Variants in PGRMC2 observed in about 807,000 individuals in gnomAD.
PGRMC2 encodes progesterone receptor membrane component 2.
A neutral mutation model predicts 19.3 loss-of-function variants in PGRMC2; 9 were observed. That is an observed-to-expected ratio of 0.47 (90% CI 0.28 to 0.81). The LOEUF (loss-of-function observed/expected upper bound fraction) is 0.81. PGRMC2 is among the 40% of genes least tolerant of loss of function. PGRMC2 has a pLI of 0.11. For synonymous variants in PGRMC2, 157 were observed against 124.6 expected (o/e 1.26, Z -1.73); for missense variants, 289 against 297.3 (o/e 0.97, Z 0.21).
At position 128,269,518 on chromosome 4, in the gene PGRMC2, T is replaced by C. The variant is rs1760693278; in HGVS notation, c.*1798A>G. The C allele has an allele frequency of 6.6e-6, 1 of 152,086 alleles. No homozygotes were observed. Among genetic ancestry groups the C allele is most frequent in the Non-Finnish European group, 1.5e-5 (1 of 68,030 alleles). 9.4% of individuals were successfully genotyped at this position (152,086 alleles called of 1,614,324 possible). On this transcript the variant is annotated 3_prime_UTR_variant, in exon 3 of 3. Coordinates refer to ENST00000296425, the MANE Select transcript of PGRMC2 (RefSeq NM_006320.6). ...TCCACAACCAGTCTTCAGCAAAGAT[T>C]TGGCTGAAGATAACTTTCTACAAAA...
intron 1 of PGRMC2, among the ~76,000 whole-genome samples, chr4:128,283,700 C>T (rs913113152): frequency 6.7e-6 from 1 of 150,360 alleles, no homozygotes; most frequent in Non-Finnish European, 1.5e-5. Flanking sequence ...TTCTGTCATC[C>T]AGGCTGGAGT....
At chr4:128,277,901 A>C (rs1760836738) in intron 1 of PGRMC2, among the ~76,000 whole-genome samples, 1 of 152,180 alleles carries the variant, frequency 6.6e-6, no homozygotes, top group South Asian at 2.1e-4. Flanking sequence ...TCAAATATAA[A>C]TTAGGAAAAT....
chr4:128,274,631 A>C (rs1046965791), intron 1 of PGRMC2, among the ~76,000 whole-genome samples: 1 of 152,128 alleles, frequency 6.6e-6, no homozygotes, highest in East Asian at 1.9e-4. Context: ...GAGGACAAGG[A>C]GAGAGACAGA....
intron 1 of PGRMC2, among the ~76,000 whole-genome samples, chr4:128,282,034 ATTAAT>A (rs1359476306): frequency 6.6e-6 from 1 of 152,216 alleles, no homozygotes; most frequent in Non-Finnish European, 1.5e-5. Context: ...TTCCCATTCT[ATTAAT>A]TTCTTTTATA....
rs1310453352 is a variant in PGRMC2, at chr4:128,271,506, T to G, written c.575-93A>C. 7 of 613,200 alleles carry G rather than the reference T, an allele frequency of 1.1e-5. No homozygotes were observed. The South Asian group carries it at 1.4e-4, about 12-fold the overall frequency. 38.0% of individuals were successfully genotyped at this position (613,200 alleles called of 1,614,324 possible). A position where few individuals can be genotyped will look rare whatever the true frequency, so the allele number is the denominator to read the frequency against. On this transcript the variant is annotated intron_variant, in intron 2 of 2. Coordinates refer to ENST00000296425, the MANE Select transcript of PGRMC2 (RefSeq NM_006320.6). Reference sequence around the variant, plus strand: ...AAGGCATTTGTCTGTTTTAGAATCATATAAAATATGATTATTAGAATATTA... The same window carrying G: ...AAGGCATTTGTCTGTTTTAGAATCAGATAAAATATGATTATTAGAATATTA...
rs867468957 is a variant in PGRMC2, at chr4:128,287,604, G to A, written c.187C>T (p.Leu63=). The A allele has an allele frequency of 8.6e-6, 11 of 1,283,056 alleles. No individual in the cohort carries two copies. In the African/African-American group the frequency reaches 1.7e-4, roughly 20 times the overall value. 79.5% of individuals were successfully genotyped at this position (1,283,056 alleles called of 1,614,324 possible). The change falls in exon 1 of 3, where the codon CTG becomes TTG. Residue 63 remains leucine (L), a synonymous_variant. Coordinates refer to ENST00000296425, the MANE Select transcript of PGRMC2 (RefSeq NM_006320.6). ...AGCCGGTAGGCCCCCAGCAGCACCA[G>A]AGCCACCAGCGCCACGTTCAGCAGC... The part of the protein sequence containing the change: ...EMLLNVALVA[L]VLLGAYRLWV...
Position 128,287,676 on chromosome 4 carries a change from C to T in PGRMC2, c.115G>A (p.Gly39Ser). 4.6e-6 allele frequency: 7 copies of T among 1,533,996 alleles called. No homozygotes were observed. In the South Asian group the frequency reaches 8.3e-5, roughly 18 times the overall value. Residue 39 changes from glycine to serine, a missense_variant, in exon 1 of 3, where the codon GGC (glycine) becomes AGC (serine). By Grantham distance (56) the Gly-to-Ser change is moderately conservative. Transcript: ENST00000296425. ...AGCGCCAACGCCGCCGCCGCCCAGCCTCCCCCTTCCGCTGCCGCTCCCGCG... is the reference window on the plus strand; with the variant it reads ...AGCGCCAACGCCGCCGCCGCCCAGCTTCCCCCTTCCGCTGCCGCTCCCGCG... ...GDAGAAAEGG[G>S]WAAAALALLT...
rs750569180 is a variant in PGRMC2 at position 128,270,774 on chromosome 4, A to C, written c.*542T>G. 13 of 152,184 alleles carry C rather than the reference A, an allele frequency of 8.5e-5. No individual in the cohort carries two copies. The highest frequency in any genetic ancestry group is 1.9e-4 in the Non-Finnish European group (13 of 68,032). 9.4% of individuals were successfully genotyped at this position (152,184 alleles called of 1,614,324 possible). On this transcript the variant is annotated 3_prime_UTR_variant, in exon 3 of 3. Transcript: ENST00000296425. ...TTTTCTTTTCCCTGACAAAGCCAAA[A>C]AGAAAAGTTTGGGAATTCACATTTT...
At chr4:128,286,247 TGTA>T (rs977429647) in intron 1 of PGRMC2, among the ~76,000 whole-genome samples, 10 of 152,172 alleles carry the variant, frequency 6.6e-5, no homozygotes, top group African/African-American at 2.4e-4. Flanking sequence ...TTATTCTTAT[TGTA>T]GTCACCACTT....
In PGRMC2 at chr4:128,269,479, G is replaced by C. The variant is rs187320072; in HGVS notation, c.*1837C>G. 6.6e-6 allele frequency: 1 copy of C among 152,164 alleles called. No homozygotes were observed. The highest frequency in any genetic ancestry group is 1.9e-4 in the East Asian group (1 of 5,168). 9.4% of individuals were successfully genotyped at this position (152,164 alleles called of 1,614,324 possible). On this transcript the variant is annotated 3_prime_UTR_variant, in exon 3 of 3. Coordinates refer to ENST00000296425, the MANE Select transcript of PGRMC2 (RefSeq NM_006320.6). ...AAAATATTTTACATAAAAACACAAA[G>C]CATTTACCAACACTCCACAACCAGT...
chr4:128,287,302 A>G, intron 1 of PGRMC2, 71 bp downstream of exon 1: 1 of 1,505,788 alleles, frequency 6.6e-7, no homozygotes, highest in Non-Finnish European at 8.9e-7. Flanking sequence ...CGGTGCCCAG[A>G]GGCCTCCCTG....
chr4:128,278,858 G>A (rs185845834), intron 1 of PGRMC2, among the ~76,000 whole-genome samples: 51 of 152,242 alleles, frequency 3.3e-4, no homozygotes, highest in Middle Eastern at 3.4e-3. Context: ...TTGCGGCAAA[G>A]GCTGATTTAC....
chr4:128,287,256 G>A, intron 1 of PGRMC2, 117 bp downstream of exon 1: 1 of 1,233,938 alleles, frequency 8.1e-7, no homozygotes, highest in Non-Finnish European at 1.1e-6. Flanking sequence ...CCGAGGCGCG[G>A]GGGTCCCGGA....
chr4:128,279,732 T>C (rs556945662), intron 1 of PGRMC2, among the ~76,000 whole-genome samples: 2 of 152,282 alleles, frequency 1.3e-5, no homozygotes, highest in Non-Finnish European at 2.9e-5. Flanking sequence ...TCAAAGGCTC[T>C]TGTGATATTA....
At chr4:128,280,788 A>G (rs983527374) in intron 1 of PGRMC2, among the ~76,000 whole-genome samples, 5 of 152,032 alleles carry the variant, frequency 3.3e-5, no homozygotes, top group Admixed American at 1.3e-4. Context: ...TGTAAGAGAC[A>G]GAGTCTCGCC....
Position 128,283,718 on chromosome 4 carries a change from C to T in PGRMC2, c.418+3655G>A, listed in dbSNP as rs569322758. Among the ~76,000 whole-genome samples, 13 of 149,670 alleles carry T rather than the reference C, an allele frequency of 8.7e-5. No individual in the cohort carries two copies. In the South Asian group the frequency reaches 2.5e-3, roughly 29 times the overall value. On this transcript the variant is annotated intron_variant, in intron 1 of 2. Transcript: ENST00000296425. ...TGTCATCCAGGCTGGAGTGCAATGG[C>T]GAGATCTCAGCTCACTGCAACCTCC...
intron 1 of PGRMC2, among the ~76,000 whole-genome samples, chr4:128,284,292 G>A (rs1357416397): frequency 6.6e-6 from 1 of 152,160 alleles, no homozygotes; most frequent in South Asian, 2.1e-4. Context: ...TGTAATCCAA[G>A]CCAATTTACC....
chr4:128,273,525 C>T (rs923476913), intron 1 of PGRMC2, among the ~76,000 whole-genome samples: 1 of 152,080 alleles, frequency 6.6e-6, no homozygotes, highest in Non-Finnish European at 1.5e-5. Flanking sequence ...AACAGATTCA[C>T]TTATGGTAGG....
intron 1 of PGRMC2, among the ~76,000 whole-genome samples, chr4:128,275,973 G>C (rs1339903535): frequency 6.6e-6 from 1 of 152,152 alleles, no homozygotes; most frequent in Non-Finnish European, 1.5e-5. Context: ...CAATCCTCCT[G>C]CCTTTGCCTC....
Sources: gnomAD v4.1 joint callset for allele counts (sites outside exome capture counted in the v4.1 genomes callset) on GRCh38, gnomAD v4.1.1 for gene constraint, MANE v1.5 for transcripts, NCBI Gene and HGNC (gene_info 2026-07-23, HGNC 2026-07-21) for gene names.